The following GALNT10 variants were observed in gnomAD, a reference collection of about 807,000 sequenced individuals.
GALNT10 encodes GalNAc transferase 10.
A neutral mutation model predicts 75.0 loss-of-function variants in GALNT10; 41 were observed. The ratio of observed to expected loss-of-function variants is 0.55; its 90% CI spans 0.43 to 0.71. The LOEUF is 0.71. Among genes scored for constraint, GALNT10 ranks in the 30% least tolerant of loss-of-function variants. The pLI is 0.00. For synonymous variants in GALNT10, 302 were observed against 313.0 expected, an observed-to-expected ratio of 0.96 and a Z score of 0.37; for missense variants, 727 against 818.5, an observed-to-expected ratio of 0.89 and a Z score of 1.36.
intron 1 of GALNT10, among the ~76,000 whole-genome samples, chr5:154,249,883 T>C (rs1242689891): frequency 1.3e-5 from 2 of 152,194 alleles, no homozygotes; most frequent in Non-Finnish European, 2.9e-5. Context: ...TCCTTGGCCT[T>C]CAGGGGCATA....
rs185833772 is a variant in GALNT10 at position 154,297,421 on chromosome 5, A to G, written c.263-520A>G. ...GTAATCATCTTTCCTCGTGTTTATG[A>G]GGTGTTTTGTAGTTTACAAAAAGCT... On this transcript the variant is annotated intron_variant, in intron 2 of 11. Coordinates refer to ENST00000297107, the MANE Select transcript of GALNT10 (RefSeq NM_198321.4). Among the ~76,000 whole-genome samples, 312 of 152,334 alleles carry G rather than the reference A, an allele frequency of 2.0e-3. 1 individual carries two copies. Among genetic ancestry groups the G allele is most frequent in the Non-Finnish European group, 3.1e-3 (212 of 68,012 alleles).
chr5:154,347,555 T>C (rs1483120311), intron 4 of GALNT10, among the ~76,000 whole-genome samples: 1 of 152,032 alleles, frequency 6.6e-6, no homozygotes, highest in Non-Finnish European at 1.5e-5. Flanking sequence ...AGAGACAAGG[T>C]CTCGCTGTGT....
chr5:154,301,366 T>A (rs1390074005), intron 3 of GALNT10, among the ~76,000 whole-genome samples: 1 of 151,440 alleles, frequency 6.6e-6, no homozygotes, highest in Non-Finnish European at 1.5e-5. Flanking sequence ...ACCACTGATC[T>A]TTTTTTTTCT....
At chr5:154,236,723 G>C (rs992923609) in intron 1 of GALNT10, among the ~76,000 whole-genome samples, 3 of 152,204 alleles carry the variant, frequency 2.0e-5, no homozygotes, top group Non-Finnish European at 4.4e-5. Flanking sequence ...CTTGCGGTTG[G>C]AGCACTTTGA....
rs906436867 is a variant in GALNT10, at chr5:154,413,188, A to G, written c.1503+183A>G. ...AAAGGGGATTCCTTCACATTGCAAT[A>G]AAACCATCAGTCTGGACCATTTTGG... On this transcript the variant is annotated intron_variant, in intron 10 of 11. Transcript: ENST00000297107. 2.0e-5 allele frequency among the ~76,000 whole-genome samples: 3 copies of G among 152,234 alleles called. No homozygotes were observed. In the East Asian group the frequency reaches 5.8e-4, roughly 29 times the overall value.
At position 154,310,432 on chromosome 5, in the gene GALNT10, G is replaced by T. The variant is rs1357763910; in HGVS notation, c.401+12353G>T. ...TTTTCTTTTTTTGGACCATCACTGGGTTTTTTTTGTTTTTTTTTTTGTTTG... is the reference window on the plus strand; with the variant it reads ...TTTTCTTTTTTTGGACCATCACTGGTTTTTTTTTGTTTTTTTTTTTGTTTG... On this transcript the variant is annotated intron_variant, in intron 3 of 11. Transcript: ENST00000297107. 1.9e-4 allele frequency among the ~76,000 whole-genome samples: 10 copies of T among 53,638 alleles called. No homozygotes were observed. The East Asian group carries it at 2.3e-3, about 12-fold the overall frequency. The allele number at this position is 53,638 out of a possible 152,430, so 35.2% of individuals were successfully genotyped here.
intron 1 of GALNT10, among the ~76,000 whole-genome samples, chr5:154,256,360 T>G (rs1035179747): frequency 1.3e-5 from 2 of 151,444 alleles, no homozygotes; most frequent in African/African-American, 4.9e-5. Context: ...TTTGTTTTTT[T>G]TTTTTTAATA....
chr5:154,281,273 C>T (rs879389936), intron 1 of GALNT10, among the ~76,000 whole-genome samples: 4 of 152,198 alleles, frequency 2.6e-5, no homozygotes, highest in Admixed American at 1.3e-4. Context: ...AGGTCTTACA[C>T]ATTTTGTTAA....
rs1756358744 is a variant in GALNT10, at chr5:154,409,751, G to A, written c.1375G>A (p.Ala459Thr). 2 of 1,612,216 alleles carry A rather than the reference G, an allele frequency of 1.2e-6. No homozygotes were observed. The highest frequency in any genetic ancestry group is 2.2e-5 in the East Asian group (1 of 44,884). The change falls in exon 9 of 12, where the codon GCT (alanine) becomes ACT (threonine). Residue 459 changes from alanine (A) to threonine (T), a missense_variant. By Grantham distance (58) the Ala-to-Thr change is moderately conservative. Transcript: ENST00000297107. This position sits in a 1 kb window ranked among gnomAD's most constrained non-coding sequence, Gnocchi z 4.5. ...CCCACCCGTGGAGCCCCCGGCTGCA[G>A]CTTGGGGGGAGGTGAGTCTGGAGGG... Reference protein sequence around the residue: ...FYPPVEPPAAAWGEIRNVGTG... With the variant: ...FYPPVEPPAATWGEIRNVGTG...
chr5:154,242,654 G>A lies in GALNT10; in HGVS notation c.159+51629G>A, dbSNP rs1339403917. Among the ~76,000 whole-genome samples, 5 of 152,268 alleles carry A rather than the reference G, an allele frequency of 3.3e-5. No homozygotes were observed. The Middle Eastern group carries it at 0.01, about 311-fold the overall frequency. On this transcript the variant is annotated intron_variant, in intron 1 of 11. Transcript: ENST00000297107. The stretch of plus-strand genomic sequence containing the variant: ...GAGCTCAATGACCGTGGGCACTTGT[G>A]GGATTATGCCCAAGCACTCAGAGCC...
intron 1 of GALNT10, among the ~76,000 whole-genome samples, chr5:154,205,043 T>C (rs1561627865): frequency 6.6e-6 from 1 of 152,214 alleles, no homozygotes. Flanking sequence ...TCCATGTTTC[T>C]TCTCACCACT....
At chr5:154,198,195 G>T (rs1026586225) in intron 1 of GALNT10, among the ~76,000 whole-genome samples, 1 of 152,202 alleles carries the variant, frequency 6.6e-6, no homozygotes, top group Non-Finnish European at 1.5e-5. Context: ...GAGCTACACT[G>T]CCTGATTCAA....
At chr5:154,327,921 T>G (rs1754780218) in intron 3 of GALNT10, among the ~76,000 whole-genome samples, 1 of 152,122 alleles carries the variant, frequency 6.6e-6, no homozygotes, top group Non-Finnish European at 1.5e-5. Context: ...CTTATTGAAT[T>G]AGGTCAAGCT....
chr5:154,203,339 C>G (rs771724224), intron 1 of GALNT10, among the ~76,000 whole-genome samples: 3 of 152,160 alleles, frequency 2.0e-5, no homozygotes, highest in Non-Finnish European at 4.4e-5. Flanking sequence ...AAGCCATAAG[C>G]CTACCACGGT....
chr5:154,253,076 T>C (rs1753552205), intron 1 of GALNT10, among the ~76,000 whole-genome samples: 1 of 151,202 alleles, frequency 6.6e-6, no homozygotes, highest in Non-Finnish European at 1.5e-5. Flanking sequence ...AGTTCTTTGC[T>C]GAATTTGTTG....
chr5:154,220,562 A>T (rs916795967), intron 1 of GALNT10: 1 of 152,260 alleles, frequency 6.6e-6, no homozygotes, highest in African/African-American at 2.4e-5. Flanking sequence ...CTTGCAAGGA[A>T]AGTAGACCTG....
At chr5:154,205,520 A>G (rs1775092620) in intron 1 of GALNT10, among the ~76,000 whole-genome samples, 2 of 152,214 alleles carry the variant, frequency 1.3e-5, no homozygotes, top group African/African-American at 2.4e-5. Context: ...TGCAGCTCCC[A>G]GTAAGTGGGT....
chr5:154,329,890 T>TCTAATTTTC, intron 4 of GALNT10, 152 bp downstream of exon 4: 1 of 484,632 alleles, frequency 2.1e-6, no homozygotes, highest in East Asian at 3.0e-5. Context: ...ATTTTCTCAT[T>TCTAATTTTC]TAATCTTCAC....
At chr5:154,236,985 A>G (rs1011590639) in intron 1 of GALNT10, among the ~76,000 whole-genome samples, 1 of 152,188 alleles carries the variant, frequency 6.6e-6, no homozygotes, top group Non-Finnish European at 1.5e-5. Flanking sequence ...AAAGATGTGT[A>G]GCTAAATACC....
Sources: allele counts gnomAD v4.1 joint callset (sites outside exome capture counted in the v4.1 genomes callset), GRCh38; gene constraint gnomAD v4.1.1; non-coding constraint Gnocchi (gnomAD v3.1); transcripts MANE v1.5; gene names NCBI Gene and HGNC (gene_info 2026-07-23, HGNC 2026-07-21).